The following ZSWIM6 variants were observed in gnomAD, a reference collection of about 807,000 sequenced individuals.
ZSWIM6 encodes zinc finger SWIM-type containing 6.
In ZSWIM6, 9 loss-of-function variants were observed where a neutral mutation model predicts 113.2. The observed-to-expected ratio is 0.08, with a 90% CI of 0.05 to 0.14. ZSWIM6 has a LOEUF of 0.14. Among genes scored for constraint, ZSWIM6 ranks in the 10% least tolerant of loss-of-function variants. ZSWIM6 has a pLI of 1.00. For synonymous variants in ZSWIM6, 611 were observed against 606.5 expected, an observed-to-expected ratio of 1.01 and a Z score of -0.11; for missense variants, 1,162 against 1,552.2, an observed-to-expected ratio of 0.75 and a Z score of 4.22.
At chr5:61,464,411 C>T (rs940060251) in intron 1 of ZSWIM6, among the ~76,000 whole-genome samples, 1 of 151,962 alleles carries the variant, frequency 6.6e-6, no homozygotes, top group Admixed American at 6.6e-5. Context: ...CTTATGTTCC[C>T]TTCAGTTCTA....
Position 61,530,081 on chromosome 5 carries a change from A to C in ZSWIM6, c.1867A>C (p.Thr623Pro). 1 of 1,551,300 alleles carries C rather than the reference A, an allele frequency of 6.4e-7. No individual in the cohort carries two copies. The highest frequency in any genetic ancestry group is 1.2e-5 in the South Asian group (1 of 83,984). Reference protein sequence around the residue: ...ELPHKNITSITNLEGWVGHPL... With the variant: ...ELPHKNITSIPNLEGWVGHPL... ...ACCCCATAAAAACATAACCTCGATA[A>C]CCAATCTGGAGGGCTGGGTTGGACA... Residue 623 changes from threonine (T) to proline (P), a missense_variant, in exon 8 of 14, where the codon ACC (threonine) becomes CCC (proline). By Grantham distance (38) the Thr-to-Pro change is conservative (BLOSUM62 -1). Transcript: ENST00000252744.
At chr5:61,425,299 T>C (rs1161156385) in intron 1 of ZSWIM6, among the ~76,000 whole-genome samples, 2 of 152,222 alleles carry the variant, frequency 1.3e-5, no homozygotes, top group Non-Finnish European at 2.9e-5. Flanking sequence ...TGATGAAATA[T>C]AGCAGTGGCA....
In ZSWIM6 at chr5:61,490,889, C is replaced by T. The variant is rs537734738; in HGVS notation, c.1137C>T (p.Gly379=). The stretch of plus-strand genomic sequence containing the variant: ...AGGTTAAACTGTTCCTTTCCCAGGG[C>T]GGGTACCACGGATCAGGGAAGCAGC... ...QEQVKLFLSQ[G]GYHGSGKQLN... Residue 379 remains glycine (G), a synonymous_variant, in exon 3 of 14, where the codon GGC becomes GGT. Coordinates refer to ENST00000252744, the MANE Select transcript of ZSWIM6 (RefSeq NM_020928.2). 10 of 1,538,958 alleles carry T rather than the reference C, an allele frequency of 6.5e-6. No homozygotes were observed. The highest frequency in any genetic ancestry group is 1.7e-4 in the Middle Eastern group (1 of 5,942).
At chr5:61,522,475 G>GT (rs369151640) in intron 5 of ZSWIM6, among the ~76,000 whole-genome samples, 1 of 152,150 alleles carries the variant, frequency 6.6e-6, no homozygotes, top group African/African-American at 2.4e-5. Flanking sequence ...AATGTGCTGA[G>GT]TTTGAATGTG....
intron 1 of ZSWIM6, among the ~76,000 whole-genome samples, chr5:61,452,574 C>CT (rs1224757353): frequency 1.3e-5 from 2 of 152,090 alleles, no homozygotes; most frequent in Non-Finnish European, 2.9e-5. Context: ...AAGATTGTCT[C>CT]TTTTTAAAAC....
At chr5:61,518,481 C>G (rs1301032932) in intron 4 of ZSWIM6, among the ~76,000 whole-genome samples, 15 of 152,130 alleles carry the variant, frequency 9.9e-5, no homozygotes, top group African/African-American at 3.1e-4. Context: ...GATTGCCATT[C>G]TAACTGGTGT....
chr5:61,392,350 T>C (rs1309152786), intron 1 of ZSWIM6, among the ~76,000 whole-genome samples: 1 of 152,234 alleles, frequency 6.6e-6, no homozygotes, highest in African/African-American at 2.4e-5. Flanking sequence ...TGAATATGCC[T>C]GTTCTGGAAT....
intron 1 of ZSWIM6, among the ~76,000 whole-genome samples, chr5:61,460,506 G>A (rs532346167): frequency 7.9e-5 from 12 of 152,214 alleles, no homozygotes; most frequent in African/African-American, 2.9e-4. Context: ...AACATACATA[G>A]AACATGGCTT....
At chr5:61,378,317 T>C (rs1375473324) in intron 1 of ZSWIM6, among the ~76,000 whole-genome samples, 1 of 152,102 alleles carries the variant, frequency 6.6e-6, no homozygotes. Context: ...TAAAAAAGAA[T>C]AAGGAAAATA....
At chr5:61,487,918 A>T (rs922270547) in intron 2 of ZSWIM6, among the ~76,000 whole-genome samples, 1 of 152,074 alleles carries the variant, frequency 6.6e-6, no homozygotes, top group African/African-American at 2.4e-5. Context: ...CATTATGTTG[A>T]ATATGAGTGG....
chr5:61,524,933 C>A (rs1749238218), intron 5 of ZSWIM6, among the ~76,000 whole-genome samples: 5 of 152,140 alleles, frequency 3.3e-5, no homozygotes, highest in Admixed American at 3.3e-4. Context: ...GAATTTGAAC[C>A]ATATAATCCT....
At chr5:61,494,797 G>T (rs996495358) in intron 4 of ZSWIM6, among the ~76,000 whole-genome samples, 2 of 152,042 alleles carry the variant, frequency 1.3e-5, no homozygotes, top group African/African-American at 4.8e-5. Context: ...CCCCACACTG[G>T]AATTATTAAA....
chr5:61,371,642 C>T (rs940537739), intron 1 of ZSWIM6, among the ~76,000 whole-genome samples: 37 of 152,138 alleles, frequency 2.4e-4, no homozygotes, highest in African/African-American at 8.7e-4. Context: ...CTCGGGATCA[C>T]GTGGCTTTGT....
At chr5:61,391,463 A>G (rs1745709402) in intron 1 of ZSWIM6, 8 of 1,322,974 alleles carry the variant, frequency 6.0e-6, no homozygotes, top group Non-Finnish European at 8.7e-6. Context: ...TCATCCTGAC[A>G]TTTCTTGCAG....
At chr5:61,449,230 C>T (rs945715678) in intron 1 of ZSWIM6, among the ~76,000 whole-genome samples, 3 of 152,210 alleles carry the variant, frequency 2.0e-5, no homozygotes, top group Admixed American at 6.5e-5. Flanking sequence ...CTGGGAAAAC[C>T]ATTTATTTTT....
At position 61,338,166 on chromosome 5, in the gene ZSWIM6, T is replaced by G. The variant is rs888631117; in HGVS notation, c.676+5218T>G. Among the ~76,000 whole-genome samples the G allele has an allele frequency of 2.6e-4, 7 of 27,222 alleles. No homozygotes were observed. In the African/African-American group the frequency reaches 3.3e-3, roughly 13 times the overall value. 17.9% of individuals were successfully genotyped at this position (27,222 alleles called of 152,430 possible). A position where few individuals can be genotyped will look rare whatever the true frequency, so the allele number is the denominator to read the frequency against. On this transcript the variant is annotated intron_variant, in intron 1 of 13. Transcript: ENST00000252744. ...ATTCATAACTTAAAGTTTTGTGTGT[T>G]TTTTTTTTTTGTGGGGGTGGCAAAG...
intron 1 of ZSWIM6, among the ~76,000 whole-genome samples, chr5:61,467,595 G>T (rs968077670): frequency 6.6e-6 from 1 of 152,146 alleles, no homozygotes; most frequent in Non-Finnish European, 1.5e-5. Context: ...CCTCTTAGGG[G>T]TCCCAGGACC....
chr5:61,391,068 G>T (rs1035648783), intron 1 of ZSWIM6: 1 of 737,746 alleles, frequency 1.4e-6, no homozygotes, highest in Non-Finnish European at 2.5e-6. Context: ...TCTGCCAAAT[G>T]CATGCCACAG....
intron 1 of ZSWIM6, among the ~76,000 whole-genome samples, chr5:61,354,721 A>G (rs765014284): frequency 6.6e-6 from 1 of 152,202 alleles, no homozygotes; most frequent in African/African-American, 2.4e-5. Flanking sequence ...AAATTCATAC[A>G]TCACTTGATT....
Sources: gnomAD v4.1 joint callset for allele counts (sites outside exome capture counted in the v4.1 genomes callset) on GRCh38, gnomAD v4.1.1 for gene constraint, MANE v1.5 for transcripts, NCBI Gene and HGNC (gene_info 2026-07-23, HGNC 2026-07-21) for gene names.